The following ZFYVE28 variants were observed in gnomAD, a reference collection of about 807,000 sequenced individuals.
ZFYVE28 encodes zinc finger FYVE-type containing 28.
In ZFYVE28, 40 loss-of-function variants were observed where a neutral mutation model predicts 82.1. The ratio of observed to expected loss-of-function variants is 0.49; its 90% CI spans 0.38 to 0.63. The LOEUF (loss-of-function observed/expected upper bound fraction) is 0.63, where lower values mean the gene tolerates loss of function less well. Ranked by LOEUF, ZFYVE28 falls within the 30% of genes least tolerant of loss-of-function variation. The pLI is 0.00. For missense variants in ZFYVE28, 1,321 were observed against 1,242.1 expected, an observed-to-expected ratio of 1.06 and a Z score of -0.96; for synonymous variants, 612 against 546.1, an observed-to-expected ratio of 1.12 and a Z score of -1.68.
chr4:2,370,248 C>T (rs1039745447), intron 1 of ZFYVE28, among the ~76,000 whole-genome samples: 6 of 152,114 alleles, frequency 3.9e-5, no homozygotes, highest in Admixed American at 3.9e-4. Flanking sequence ...TACCTGATGT[C>T]CCACAGCGGA....
Position 2,408,710 on chromosome 4 carries a change from GCCCCGCCCAGATGCCA to G in ZFYVE28, c.39+9559_39+9574del, listed in dbSNP as rs1299529788. Among the ~76,000 whole-genome samples, 5 of 152,170 alleles carry G rather than the reference GCCCCGCCCAGATGCCA, an allele frequency of 3.3e-5. No homozygotes were observed. The highest frequency in any genetic ancestry group is 4.8e-5 in the African/African-American group (2 of 41,502). On this transcript the variant is annotated intron_variant, in intron 1 of 12. Coordinates refer to ENST00000290974, the MANE Select transcript of ZFYVE28 (RefSeq NM_020972.3). This position sits in a 1 kb window ranked among gnomAD's most constrained non-coding sequence, Gnocchi z 4.3. ...CAGGTAAGCCTGCCTAGATGATGAA[GCCCCGCCCAGATGCCA>G]CCCCGCCCAGATGCAGCCCTATCCA...
intron 8 of ZFYVE28, among the ~76,000 whole-genome samples, chr4:2,303,214 C>A (rs1001620572): frequency 3.3e-5 from 5 of 152,148 alleles, no homozygotes; most frequent in African/African-American, 1.2e-4. Flanking sequence ...GTCACGGGAC[C>A]CTGGTCACTC....
At chr4:2,388,713 C>A (rs1412779565) in intron 1 of ZFYVE28, among the ~76,000 whole-genome samples, 1 of 152,174 alleles carries the variant, frequency 6.6e-6, no homozygotes, top group Non-Finnish European at 1.5e-5. Context: ...AAGGGCTCAG[C>A]TCCACTTCCG....
chr4:2,283,876 G>A, intron 8 of ZFYVE28, among the ~76,000 whole-genome samples: 1 of 152,146 alleles, frequency 6.6e-6, no homozygotes, highest in East Asian at 1.9e-4. Context: ...CAAGAGGTGG[G>A]AAGCAGCCGA....
At chr4:2,303,441 T>C (rs998277606) in intron 8 of ZFYVE28, among the ~76,000 whole-genome samples, 2 of 152,130 alleles carry the variant, frequency 1.3e-5, no homozygotes, top group African/African-American at 4.8e-5. Context: ...TTTTCTGGTC[T>C]CCAGTTGAAC....
intron 7 of ZFYVE28, among the ~76,000 whole-genome samples, chr4:2,308,794 A>G (rs1717087215): frequency 1.3e-5 from 2 of 152,186 alleles, no homozygotes; most frequent in Non-Finnish European, 2.9e-5. Flanking sequence ...GAAGCTAGCT[A>G]GCTTCTGGGA....
In ZFYVE28 at chr4:2,409,214, A is replaced by T. The variant is rs1732252790; in HGVS notation, c.39+9071T>A. Among the ~76,000 whole-genome samples the T allele has an allele frequency of 6.7e-6, 1 of 149,940 alleles. No individual in the cohort carries two copies. The highest frequency in any genetic ancestry group is 2.1e-4 in the South Asian group (1 of 4,676). On this transcript the variant is annotated intron_variant, in intron 1 of 12. Coordinates refer to ENST00000290974, the MANE Select transcript of ZFYVE28 (RefSeq NM_020972.3). The surrounding 1 kb of genome is among the most constrained non-coding windows in gnomAD (Gnocchi z 4.4). Reference sequence around the variant, plus strand: ...TCCTCTCCTGAGCTCCCCATCCCCAAACAGCACCTCTCCCCCAGCCAGGTC... The same window carrying T: ...TCCTCTCCTGAGCTCCCCATCCCCATACAGCACCTCTCCCCCAGCCAGGTC...
At chr4:2,290,344 C>T (rs980777076) in intron 8 of ZFYVE28, among the ~76,000 whole-genome samples, 6 of 152,170 alleles carry the variant, frequency 3.9e-5, no homozygotes, top group African/African-American at 1.4e-4. Context: ...TCTTGGCCTC[C>T]CAAAGTGTGA....
chr4:2,365,091 A>AGGCAGTG (rs1388887212), intron 1 of ZFYVE28, among the ~76,000 whole-genome samples: 3 of 139,836 alleles, frequency 2.1e-5, no homozygotes, highest in Non-Finnish European at 4.6e-5. Flanking sequence ...GCCACCCCGC[A>AGGCAGTG]GGCAGTGGGC....
rs537790628 is a variant in ZFYVE28 at position 2,281,830 on chromosome 4, G to T, written c.2052-7614C>A. On this transcript the variant is annotated intron_variant, in intron 8 of 12. Coordinates refer to ENST00000290974, the MANE Select transcript of ZFYVE28 (RefSeq NM_020972.3). Reference sequence around the variant, plus strand: ...GGGTAGGGCCATGAGGAGGACCTCAGGGGTAGATCAGACACTATGTGTCCC... The same window carrying T: ...GGGTAGGGCCATGAGGAGGACCTCATGGGTAGATCAGACACTATGTGTCCC... Among the ~76,000 whole-genome samples, 3 of 152,298 alleles carry T rather than the reference G, an allele frequency of 2.0e-5. No individual in the cohort carries two copies. The South Asian group carries it at 6.2e-4, about 32-fold the overall frequency.
In ZFYVE28 at chr4:2,377,672, C is replaced by A. The variant is rs117630254; in HGVS notation, c.40-23599G>T. On this transcript the variant is annotated intron_variant, in intron 1 of 12. Coordinates refer to ENST00000290974, the MANE Select transcript of ZFYVE28 (RefSeq NM_020972.3). The stretch of plus-strand genomic sequence containing the variant: ...CTTGGGGTTGCTGAGAAGAAACCTG[C>A]GGGGCTTTTTCCATTTCTCGTAGTT... 2.4e-3 allele frequency among the ~76,000 whole-genome samples: 368 copies of A among 152,262 alleles called. 5 individuals carry two copies. In the East Asian group the frequency reaches 0.044, roughly 18 times the overall value.
rs779163239 is a variant in ZFYVE28 at position 2,304,811 on chromosome 4, C to G, written c.1529G>C (p.Gly510Ala). Reference sequence around the variant, plus strand: ...GATGACCGTGGCTGAGAGCTTCATGCCCCCTGTCCGGTGGGCGATCATCTC... The same window carrying G: ...GATGACCGTGGCTGAGAGCTTCATGGCCCCTGTCCGGTGGGCGATCATCTC... Reference protein sequence around the residue: ...TAEMIAHRTGGMKLSATVIFN... With the variant: ...TAEMIAHRTGAMKLSATVIFN... The change falls in exon 8 of 13, where the codon GGC (glycine) becomes GCC (alanine). Residue 510 changes from glycine (G) to alanine (A), a missense_variant. Physicochemically the swap from Gly to Ala is moderately conservative, Grantham distance 60 (BLOSUM62 0). This residue lies in a region of ZFYVE28 where 978 missense variants were observed against 833.7 expected (regional missense o/e 1.17). Coordinates refer to ENST00000290974, the MANE Select transcript of ZFYVE28 (RefSeq NM_020972.3). 31 of 1,612,532 alleles carry G rather than the reference C, an allele frequency of 1.9e-5. No individual in the cohort carries two copies. Among genetic ancestry groups the G allele is most frequent in the Non-Finnish European group, 2.5e-5 (30 of 1,179,952 alleles).
intron 1 of ZFYVE28, among the ~76,000 whole-genome samples, chr4:2,366,101 C>T (rs1326861926): frequency 7.9e-5 from 12 of 152,214 alleles, no homozygotes; most frequent in Non-Finnish European, 1.5e-5. Context: ...ATGTGGATGT[C>T]CCCAGGAGGC....
chr4:2,344,000 C>A (rs1723171233), intron 2 of ZFYVE28, among the ~76,000 whole-genome samples: 1 of 152,220 alleles, frequency 6.6e-6, no homozygotes, highest in Non-Finnish European at 1.5e-5. Context: ...CTCCCAAGAA[C>A]AACAGTGATT....
chr4:2,390,397 G>A (rs769673115), intron 1 of ZFYVE28, among the ~76,000 whole-genome samples: 2 of 152,176 alleles, frequency 1.3e-5, no homozygotes, highest in Non-Finnish European at 1.5e-5. Context: ...CACAGGAAAC[G>A]AATACAGGCA....
At chr4:2,381,796 G>C (rs558615483) in intron 1 of ZFYVE28, among the ~76,000 whole-genome samples, 1 of 152,218 alleles carries the variant, frequency 6.6e-6, no homozygotes, top group Non-Finnish European at 1.5e-5. Flanking sequence ...GGAGCTGAAC[G>C]TTAATCCCCA....
chr4:2,285,578 A>G (rs1712606439), intron 8 of ZFYVE28: 2 of 152,316 alleles, frequency 1.3e-5, no homozygotes, highest in South Asian at 4.1e-4. Context: ...TCGCCTTCCC[A>G]AGGAAGTCAG....
chr4:2,346,133 C>G (rs1223322379), intron 2 of ZFYVE28, among the ~76,000 whole-genome samples: 1 of 149,292 alleles, frequency 6.7e-6, no homozygotes, highest in Admixed American at 6.7e-5. Context: ...TCGAGACCAT[C>G]CTGGCTAATA....
At chr4:2,294,639 C>G (rs759595387) in intron 8 of ZFYVE28, among the ~76,000 whole-genome samples, 2 of 152,082 alleles carry the variant, frequency 1.3e-5, no homozygotes, top group Non-Finnish European at 2.9e-5. Flanking sequence ...TCAAAAGATA[C>G]TGTTAGAATG....
Sources: allele counts gnomAD v4.1 joint callset (sites outside exome capture counted in the v4.1 genomes callset), GRCh38; gene constraint gnomAD v4.1.1; regional missense constraint gnomAD v4.1.1; non-coding constraint Gnocchi (gnomAD v3.1); transcripts MANE v1.5; gene names NCBI Gene and HGNC (gene_info 2026-07-23, HGNC 2026-07-21).